MSN: variants seen among roughly 807,000 people sequenced by gnomAD.
MSN encodes epididymis luminal protein 70.
In MSN, 2 loss-of-function variants were observed where a neutral mutation model predicts 48.0. The ratio of observed to expected loss-of-function variants is 0.04; its 90% confidence interval spans 0.02 to 0.13. The LOEUF is 0.13. Ranked by LOEUF, MSN falls within the 10% of genes least tolerant of loss-of-function variation. The pLI is 1.00. For missense variants in MSN, 267 were observed against 470.1 expected (o/e 0.57, Z 3.99); for synonymous variants, 146 against 166.9 (o/e 0.87, Z 0.97).
intron 2 of MSN, among the ~76,000 whole-genome samples, chrX:65,724,772 C>G (rs2071551567): frequency 9.0e-6 from 1 of 111,137 alleles, no homozygotes; most frequent in African/African-American, 3.3e-5. Context: ...CTGCATCCTC[C>G]ACCTCCCAGG....
chrX:65,648,036 G>T (rs959978499), intron 1 of MSN, among the ~76,000 whole-genome samples: 23 of 110,114 alleles, frequency 2.1e-4, no homozygotes, highest in Non-Finnish European at 1.5e-4. Flanking sequence ...CTGGGACCAG[G>T]GTAGTGGCAG....
intron 1 of MSN, among the ~76,000 whole-genome samples, chrX:65,596,821 C>T (rs752278934): frequency 1.3e-5 from 1 of 79,615 alleles, no homozygotes; most frequent in East Asian, 4.1e-4. Context: ...GAGGAGACAG[C>T]AGTGTCCCTC....
At chrX:65,694,716 C>T (rs772969133) in intron 1 of MSN, among the ~76,000 whole-genome samples, 7 of 112,151 alleles carry the variant, frequency 6.2e-5, no homozygotes, top group East Asian at 5.6e-4. Context: ...TGAAACCCAT[C>T]GTGCCTTCTG....
At chrX:65,687,668 T>G (rs1218208232) in intron 1 of MSN, among the ~76,000 whole-genome samples, 1 of 111,880 alleles carries the variant, frequency 8.9e-6, no homozygotes, top group Admixed American at 9.5e-5. Context: ...GTGCCTTCAC[T>G]GACCATCCCT....
At chrX:65,710,427 C>T (rs1012171507) in intron 1 of MSN, among the ~76,000 whole-genome samples, 1 of 111,345 alleles carries the variant, frequency 9.0e-6, no homozygotes, top group Non-Finnish European at 1.9e-5. Flanking sequence ...ACCTGGGGTC[C>T]TCAGACCTCT....
rs189315986 is a variant in MSN, at chrX:65,648,279, G to A, written c.-22+59667G>A. Among the ~76,000 whole-genome samples the A allele has an allele frequency of 2.8e-3, 318 of 112,306 alleles. 2 individuals are homozygous for A. The highest frequency in any genetic ancestry group is 8.3e-3 in the African/African-American group (257 of 30,934). On this transcript the variant is annotated intron_variant, in intron 1 of 3. Coordinates refer to the MSN transcript ENST00000609672. The stretch of plus-strand genomic sequence containing the variant: ...ATTTAATCCCAACACTTTGGGAGGC[G>A]CGGTGGCTCACGCCTGTAATCCCAG...
chrX:65,629,745 G>A (rs1191035754), intron 1 of MSN, among the ~76,000 whole-genome samples: 1 of 111,425 alleles, frequency 9.0e-6, no homozygotes, highest in African/African-American at 3.3e-5. Flanking sequence ...GAATAGCGTG[G>A]GAAAGACTCG....
Position 65,737,358 on chromosome X carries a change from TG to T in MSN, c.1251+23del. The T allele has an allele frequency of 8.4e-7, 1 of 1,190,815 alleles. No homozygotes were observed. The highest frequency in any genetic ancestry group is 1.9e-5 in the South Asian group (1 of 54,008). ...CAGCTGGTAAAGCTGTAGGGTGGGC[TG>T]GGATTATGGGAACTGAACTTTCTTC... On this transcript the variant is annotated intron_variant, in intron 10 of 12. Coordinates refer to ENST00000360270, the MANE Select transcript of MSN (RefSeq NM_002444.3).
At chrX:65,673,675 C>T (rs2070966535) in intron 1 of MSN, among the ~76,000 whole-genome samples, 1 of 111,845 alleles carries the variant, frequency 8.9e-6, no homozygotes, top group Non-Finnish European at 1.9e-5. Flanking sequence ...CAACCCAGAG[C>T]TTCCCTAGCC....
intron 1 of MSN, among the ~76,000 whole-genome samples, chrX:65,603,022 A>G (rs1188499646): frequency 8.9e-6 from 1 of 112,329 alleles, no homozygotes; most frequent in Non-Finnish European, 1.9e-5. Context: ...GATCAGGTGC[A>G]GTGGCTCACA....
At chrX:65,717,697 G>A (rs1296350351) in intron 2 of MSN, among the ~76,000 whole-genome samples, 1 of 111,953 alleles carries the variant, frequency 8.9e-6, no homozygotes, top group Non-Finnish European at 1.9e-5. Context: ...ATTTCCAGAG[G>A]CTGGGACCTC....
At chrX:65,620,841 T>A (rs758754504) in intron 1 of MSN, among the ~76,000 whole-genome samples, 22 of 110,329 alleles carry the variant, frequency 2.0e-4, no homozygotes, top group African/African-American at 7.2e-4. Context: ...GGATCCATTG[T>A]CAAATACTAG....
intron 1 of MSN, among the ~76,000 whole-genome samples, chrX:65,673,749 A>G (rs1291691395): frequency 8.9e-6 from 1 of 112,064 alleles, no homozygotes; most frequent in Non-Finnish European, 1.9e-5. Flanking sequence ...GTTTTGAACC[A>G]TGGAACAACT....
chrX:65,719,172 T>A (rs781589564), intron 2 of MSN, among the ~76,000 whole-genome samples: 63 of 112,021 alleles, frequency 5.6e-4, no homozygotes, highest in Non-Finnish European at 9.6e-4. Flanking sequence ...GGAGAACTTT[T>A]AAAGGGACAG....
chrX:65,693,995 G>A (rs1490530374), intron 1 of MSN, among the ~76,000 whole-genome samples: 1 of 110,083 alleles, frequency 9.1e-6, no homozygotes, highest in Non-Finnish European at 1.9e-5. Flanking sequence ...GGAGGTTGCA[G>A]TGAGCCAAGA....
rs774242604 is a variant in MSN at position 65,724,751 on chromosome X, A to G, written c.97-3063A>G. Among the ~76,000 whole-genome samples the G allele has an allele frequency of 9.0e-5, 10 of 110,958 alleles. No individual in the cohort carries two copies. The South Asian group carries it at 2.3e-3, about 25-fold the overall frequency. ...ACCCATACTGGAGTGCAGTGGTGCAATCTCAGCTCACTGCATCCTCCACCT... is the reference window on the plus strand; with the variant it reads ...ACCCATACTGGAGTGCAGTGGTGCAGTCTCAGCTCACTGCATCCTCCACCT... On this transcript the variant is annotated intron_variant, in intron 2 of 12. Coordinates refer to ENST00000360270, the MANE Select transcript of MSN (RefSeq NM_002444.3).
chrX:65,593,752 A>G (rs1391248167), intron 1 of MSN, among the ~76,000 whole-genome samples: 1 of 112,120 alleles, frequency 8.9e-6, no homozygotes, highest in Admixed American at 9.4e-5. Flanking sequence ...CATGTTGCGC[A>G]GGCTGGTCTT....
intron 1 of MSN, chrX:65,589,746 T>C (rs1231348194): frequency 9.0e-6 from 1 of 110,986 alleles, no homozygotes; most frequent in Non-Finnish European, 1.9e-5. Context: ...CTGATCTACA[T>C]CAGCACCATG....
chrX:65,642,956 G>T (rs2070668774), intron 1 of MSN, among the ~76,000 whole-genome samples: 1 of 110,404 alleles, frequency 9.1e-6, no homozygotes, highest in Non-Finnish European at 1.9e-5. Flanking sequence ...CCCTCAGAGA[G>T]ATCTCCCCTC....
Sources: gnomAD v4.1 joint callset for allele counts (sites outside exome capture counted in the v4.1 genomes callset) on GRCh38, gnomAD v4.1.1 for gene constraint, MANE v1.5 for transcripts, NCBI Gene and HGNC (gene_info 2026-07-23, HGNC 2026-07-21) for gene names.